Variants in PSD4 observed in about 807,000 individuals in gnomAD.
PSD4 encodes the protein pleckstrin and Sec7 domain containing 4, also known as PH and SEC7 domain-containing protein 4.
PSD4 carries 59 observed loss-of-function variants against 112.5 expected under a neutral mutation model. The ratio of observed to expected loss-of-function variants is 0.52; its 90% CI spans 0.43 to 0.65. The LOEUF is 0.65. Ranked by LOEUF, PSD4 falls within the 30% of genes least tolerant of loss-of-function variation. PSD4 has a pLI of 0.00. For missense variants in PSD4, 1,267 were observed against 1,352.6 expected (o/e 0.94, Z 0.99); for synonymous variants, 533 against 540.0 (o/e 0.99, Z 0.18).
At chr2:113,186,313 T>A (rs931779537) in intron 5 of PSD4, 58 bp downstream of exon 5, 25 of 1,494,758 alleles carry the variant, frequency 1.7e-5, no homozygotes, top group Non-Finnish European at 2.2e-5. Flanking sequence ...TTAAGAATAT[T>A]CTAGTCTGGA....
At chr2:113,180,076 T>C (rs1688087164) in intron 1 of PSD4, among the ~76,000 whole-genome samples, 1 of 152,184 alleles carries the variant, frequency 6.6e-6, no homozygotes. Flanking sequence ...TCCTTCCTTC[T>C]CTCAGGTGCC....
chr2:113,193,639 C>T lies in PSD4; in HGVS notation c.2080C>T (p.Leu694=), dbSNP rs780631673. The T allele has an allele frequency of 1.9e-6, 3 of 1,613,472 alleles. No homozygotes were observed. The Admixed American group carries it at 5.0e-5, about 27-fold the overall frequency. Residue 694 remains leucine, a synonymous_variant, in exon 9 of 17, where the codon CTG becomes TTG. Transcript: ENST00000245796. The part of the protein sequence containing the change: ...TCAIMLLNTD[L]HGQNIGKSMS... ...TGCAATCATGCTGCTTAACACGGAC[C>T]TGCATGGACAGGTAAGACGGTGGAG...
At chr2:113,195,914 GGAGA>G (rs1688595545) in intron 11 of PSD4, 144 bp downstream of exon 11, 1 of 1,251,158 alleles carries the variant, frequency 8.0e-7, no homozygotes, top group African/African-American at 1.5e-5. Flanking sequence ...AGGGCTCTGG[GGAGA>G]GAGCATAGAG....
Position 113,182,582 on chromosome 2 carries a change from A to G in PSD4, c.126A>G (p.Pro42=), listed in dbSNP as rs138856163. The change falls in exon 2 of 17, where the codon CCA becomes CCG. Residue 42 remains proline (P), a synonymous_variant. Coordinates refer to ENST00000245796, the MANE Select transcript of PSD4 (RefSeq NM_012455.3). ...CPRETCSHED[P]PEPFEEQTWA... ...GGGAAACGTGCAGCCATGAGGATCC[A>G]CCGGAGCCTTTCGAGGAGCAAACCT... The G allele has an allele frequency of 6.2e-6, 10 of 1,614,168 alleles. No homozygotes were observed. The highest frequency in any genetic ancestry group is 7.6e-6 in the Non-Finnish European group (9 of 1,180,018).
rs375265118 is a variant in PSD4, at chr2:113,183,200, C to A, written c.744C>A (p.Asn248Lys). Residue 248 changes from asparagine (N) to lysine (K), a missense_variant, in exon 2 of 17, where the codon AAC becomes AAA. Coordinates refer to ENST00000245796, the MANE Select transcript of PSD4 (RefSeq NM_012455.3). ...AGGAGGAGAGCATGTTCTTCAGCAA[C>A]CCCCTCTTCCTGGCGAGTCCTTGCT... ...GAEEESMFFS[N>K]PLFLASPCSE... 1 of 1,614,198 alleles carries A rather than the reference C, an allele frequency of 6.2e-7. No homozygotes were observed. Among genetic ancestry groups the A allele is most frequent in the South Asian group, 1.1e-5 (1 of 91,084 alleles).
rs142833178 is a variant in PSD4 at position 113,190,318 on chromosome 2, G to T, written c.1629-2062G>T. On this transcript the variant is annotated intron_variant, in intron 5 of 16. Transcript: ENST00000245796. ...TTATCCCAACACCATTTTTTGAAAA[G>T]TGTGTCCTTTCCCCACTTTATGTTT... is the stretch of plus-strand genomic sequence containing the variant. Among the ~76,000 whole-genome samples the T allele has an allele frequency of 3.9e-5, 6 of 152,328 alleles. No homozygotes were observed. The East Asian group carries it at 1.2e-3, about 29-fold the overall frequency.
chr2:113,178,020 C>T (rs1255919241), intron 1 of PSD4, among the ~76,000 whole-genome samples: 1 of 152,128 alleles, frequency 6.6e-6, no homozygotes, highest in Non-Finnish European at 1.5e-5. Flanking sequence ...GAGTTTGAGA[C>T]CAGCCTGATC....
Position 113,196,234 on chromosome 2 carries a change from G to A in PSD4, c.2313G>A (p.Gln771=). The A allele has an allele frequency of 6.2e-7, 1 of 1,614,134 alleles. No individual in the cohort carries two copies. The highest frequency in any genetic ancestry group is 8.5e-7 in the Non-Finnish European group (1 of 1,179,982). The change falls in exon 12 of 17, where the codon CAG becomes CAA. Residue 771 remains glutamine, a synonymous_variant. Transcript: ENST00000245796. ...GCAAGCCCTTCCTTCAGCTGGCTCA[G>A]GATCCCACAGTGCCCACCTACAAGC... ...KMSKPFLQLA[Q]DPTVPTYKQG...
At chr2:113,175,979 G>A (rs957339253) in intron 1 of PSD4, among the ~76,000 whole-genome samples, 3 of 152,194 alleles carry the variant, frequency 2.0e-5, no homozygotes, top group Non-Finnish European at 4.4e-5. Context: ...GGAACCAGGT[G>A]GAGTTTTTCA....
intron 1 of PSD4, among the ~76,000 whole-genome samples, chr2:113,179,136 G>A (rs1688055932): frequency 6.6e-6 from 1 of 152,166 alleles, no homozygotes; most frequent in South Asian, 2.1e-4. Flanking sequence ...GGTTTGGGGA[G>A]GGAGATTTGG....
At chr2:113,181,184 T>G (rs1688125766) in intron 1 of PSD4, among the ~76,000 whole-genome samples, 1 of 148,114 alleles carries the variant, frequency 6.8e-6, no homozygotes. Flanking sequence ...GCCAAGACTG[T>G]GCCGCTACAC....
intron 1 of PSD4, among the ~76,000 whole-genome samples, chr2:113,178,733 G>A (rs994918775): frequency 2.0e-5 from 3 of 152,160 alleles, no homozygotes; most frequent in South Asian, 2.1e-4. Context: ...GTGGGTTGGC[G>A]TTATCCTGGC....
intron 4 of PSD4, 38 bp downstream of exon 4, chr2:113,185,478 G>A: frequency 6.2e-7 from 1 of 1,613,888 alleles, no homozygotes; most frequent in Non-Finnish European, 8.5e-7. Flanking sequence ...ATTGGGTCCT[G>A]GGAGGATTTG....
rs1296471360 is a variant in PSD4 at position 113,197,892 on chromosome 2, G to A, written c.2603G>A (p.Arg868His). Residue 868 changes from arginine (R) to histidine (H), a missense_variant, in exon 14 of 17, where the codon CGC (arginine) becomes CAC (histidine). By Grantham distance (29) the Arg-to-His change is conservative. Transcript: ENST00000245796. ...HVFQLRTADW[R>H]LYLFQAPTAK... ...TTCCAGCTGCGCACGGCTGACTGGCGCCTCTACCTCTTCCAGGCACCGTAA... is the reference window on the plus strand; with the variant it reads ...TTCCAGCTGCGCACGGCTGACTGGCACCTCTACCTCTTCCAGGCACCGTAA... The A allele has an allele frequency of 2.5e-6, 4 of 1,592,236 alleles. No homozygotes were observed. The highest frequency in any genetic ancestry group is 1.1e-5 in the South Asian group (1 of 89,474).
intron 16 of PSD4, among the ~76,000 whole-genome samples, chr2:113,200,399 T>A (rs1219487731): frequency 6.6e-6 from 1 of 150,600 alleles, no homozygotes; most frequent in Non-Finnish European, 1.5e-5. Flanking sequence ...CAACATCGCC[T>A]CCTGCCTGTC....
chr2:113,201,685 C>T lies in PSD4; in HGVS notation c.*270C>T. 1.9e-6 allele frequency: 1 copy of T among 514,976 alleles called. No individual in the cohort carries two copies. Among genetic ancestry groups the T allele is most frequent in the East Asian group, 3.5e-5 (1 of 28,880 alleles). The allele number at this position is 514,976 out of a possible 1,614,324, so 31.9% of individuals were successfully genotyped here. A position where few individuals can be genotyped will look rare whatever the true frequency, so the allele number is the denominator to read the frequency against. ...AGGGAAGAGGGAGGTGAGGACTTGACTTTCCTCCCAGAGCTCAGCCCATGT... is the reference window on the plus strand; with the variant it reads ...AGGGAAGAGGGAGGTGAGGACTTGATTTTCCTCCCAGAGCTCAGCCCATGT... On this transcript the variant is annotated 3_prime_UTR_variant, in exon 17 of 17. Coordinates refer to ENST00000245796, the MANE Select transcript of PSD4 (RefSeq NM_012455.3).
intron 3 of PSD4, 92 bp downstream of exon 3, chr2:113,185,165 C>T: frequency 6.3e-7 from 1 of 1,588,710 alleles, no homozygotes; most frequent in Admixed American, 1.7e-5. Flanking sequence ...ACCAACAATC[C>T]TAGGATGTGG....
Position 113,192,577 on chromosome 2 carries a change from A to C in PSD4, c.1826A>C (p.Tyr609Ser). Residue 609 changes from tyrosine to serine, a missense_variant, in exon 6 of 17, where the codon TAC (tyrosine) becomes TCC (serine). This residue lies in a region of PSD4 where 544 missense variants were observed against 648.6 expected (regional missense o/e 0.84). Transcript: ENST00000245796. ...TTCCGGAAGTCTGAAGTGGCTGCCT[A>C]CCTGCAGAAGAAGTAAGGGGCTTTG... ...EGFRKSEVAA[Y>S]LQKNNDFSRA... 5 of 1,614,106 alleles carry C rather than the reference A, an allele frequency of 3.1e-6. No individual in the cohort carries two copies. Among genetic ancestry groups the C allele is most frequent in the Non-Finnish European group, 4.2e-6 (5 of 1,179,970 alleles).
chr2:113,196,918 G>A (rs1688629593), intron 12 of PSD4, among the ~76,000 whole-genome samples: 1 of 152,262 alleles, frequency 6.6e-6, no homozygotes, highest in African/African-American at 2.4e-5. Flanking sequence ...GCACCAACAT[G>A]TCCAGAGTGG....
Sources: allele counts gnomAD v4.1 joint callset (sites outside exome capture counted in the v4.1 genomes callset), GRCh38; gene constraint gnomAD v4.1.1; regional missense constraint gnomAD v4.1.1; transcripts MANE v1.5; gene names NCBI Gene and HGNC (gene_info 2026-07-23, HGNC 2026-07-21).